TUBA1C: variants seen among roughly 807,000 people sequenced by gnomAD.
TUBA1C encodes tubulin alpha 1c, also known as tubulin alpha-1C chain.
In TUBA1C, 16 loss-of-function variants were observed where a neutral mutation model predicts 34.9. The ratio of observed to expected loss-of-function variants is 0.46; its 90% CI spans 0.31 to 0.70. The LOEUF is 0.70. TUBA1C is among the 30% of genes least tolerant of loss of function. The probability of loss-of-function intolerance (pLI) is 0.05; values close to 1 mark genes in which losing one functional copy is unlikely to be tolerated. For synonymous variants in TUBA1C, 177 were observed against 215.9 expected, an observed-to-expected ratio of 0.82 and a Z score of 1.58; for missense variants, 329 against 587.3, an observed-to-expected ratio of 0.56 and a Z score of 4.55.
intron 1 of TUBA1C, among the ~76,000 whole-genome samples, chr12:49,241,991 C>CT (rs201854507): frequency 0.039 from 5,098 of 131,786 alleles, 142 homozygotes; most frequent in African/African-American, 0.085. Context: ...TTCTTTCTTT[C>CT]TTTTTTTTTT....
intron 1 of TUBA1C, among the ~76,000 whole-genome samples, chr12:49,257,593 C>A (rs1031172704): frequency 6.6e-6 from 1 of 151,602 alleles, no homozygotes; most frequent in Non-Finnish European, 1.5e-5. Flanking sequence ...ACAGTCTGGA[C>A]AACAGCAAGA....
chr12:49,269,422 C>T, intron 1 of TUBA1C, 43 bp from the exon 2 acceptor site: 1 of 1,612,622 alleles, frequency 6.2e-7, no homozygotes, highest in Non-Finnish European at 8.5e-7. Context: ...AATGTCCCAT[C>T]TGATGTATTA....
intron 1 of TUBA1C, among the ~76,000 whole-genome samples, chr12:49,243,551 C>T (rs1340464642): frequency 1.3e-5 from 2 of 152,152 alleles, no homozygotes; most frequent in East Asian, 1.9e-4. Flanking sequence ...TTGGGAACAT[C>T]GCACATAGCA....
intron 1 of TUBA1C, among the ~76,000 whole-genome samples, chr12:49,255,564 CTTTT>C (rs2137006427): frequency 6.6e-6 from 1 of 151,906 alleles, no homozygotes; most frequent in South Asian, 2.1e-4. Flanking sequence ...TTCGTCTTTT[CTTTT>C]TGTTTTTCGA....
upstream of TUBA1C, chr12:49,264,907 G>T: frequency 1.8e-5 from 4 of 227,816 alleles, no homozygotes; most frequent in Non-Finnish European, 3.3e-5. Context: ...AGTTTGGTTT[G>T]AACTTTTGAA....
intron 1 of TUBA1C, among the ~76,000 whole-genome samples, chr12:49,236,810 C>T (rs914646415): frequency 6.6e-6 from 1 of 152,142 alleles, no homozygotes; most frequent in African/African-American, 2.4e-5. Flanking sequence ...ATTATAACAC[C>T]ATGATAAGTA....
intron 1 of TUBA1C, among the ~76,000 whole-genome samples, chr12:49,246,386 T>C (rs1226052520): frequency 6.6e-6 from 1 of 151,812 alleles, no homozygotes; most frequent in Non-Finnish European, 1.5e-5. Flanking sequence ...GAATTGAAAA[T>C]GGCCTGAACT....
chr12:49,271,221 C>T (rs1942988281), intron 3 of TUBA1C, among the ~76,000 whole-genome samples: 2 of 152,168 alleles, frequency 1.3e-5, no homozygotes, highest in African/African-American at 4.8e-5. Flanking sequence ...TTGATGGACC[C>T]ACAGGCTATA....
intron 1 of TUBA1C, among the ~76,000 whole-genome samples, chr12:49,242,781 C>G (rs1942630744): frequency 6.6e-6 from 1 of 152,092 alleles, no homozygotes. Context: ...AGCTACCGCG[C>G]CTGGCTCATC....
rs559395061 is a variant in TUBA1C, at chr12:49,272,393, C to T, written c.516C>T (p.Tyr172=). The T allele has an allele frequency of 6.2e-7, 1 of 1,614,068 alleles. No homozygotes were observed. Among genetic ancestry groups the T allele is most frequent in the East Asian group, 2.2e-5 (1 of 44,876 alleles). ...GKKSKLEFSI[Y]PAPQVSTAVV... ...AGTCCAAGCTGGAGTTCTCCATTTA[C>T]CCGGCGCCCCAGGTTTCCACAGCTG... is the stretch of plus-strand genomic sequence containing the variant. The change falls in exon 4 of 4, where the codon TAC becomes TAT. Residue 172 remains tyrosine, a synonymous_variant. Coordinates refer to ENST00000301072, the MANE Select transcript of TUBA1C (RefSeq NM_032704.5).
chr12:49,269,997 AAAGTGG>A (rs1942970021), intron 3 of TUBA1C, 21 bp downstream of exon 3: 1 of 1,614,080 alleles, frequency 6.2e-7, no homozygotes, highest in Non-Finnish European at 8.5e-7. Context: ...TACTTTAAAT[AAAGTGG>A]GATGAGAGTT....
chr12:49,270,797 G>A (rs1381445972), intron 3 of TUBA1C, among the ~76,000 whole-genome samples: 1 of 152,078 alleles, frequency 6.6e-6, no homozygotes, highest in East Asian at 1.9e-4. Flanking sequence ...TGGCTAACAT[G>A]GTGAAACCCT....
intron 1 of TUBA1C, among the ~76,000 whole-genome samples, chr12:49,268,706 G>A (rs1158059996): frequency 1.3e-5 from 2 of 152,162 alleles, no homozygotes; most frequent in Admixed American, 6.5e-5. Flanking sequence ...TTAAAATACA[G>A]CTAACTGCTG....
rs766615501 is a variant in TUBA1C, at chr12:49,269,583, C to T, written c.122C>T (p.Thr41Ile). 3 of 1,614,062 alleles carry T rather than the reference C, an allele frequency of 1.9e-6. No individual in the cohort carries two copies. Among genetic ancestry groups the T allele is most frequent in the African/African-American group, 1.3e-5 (1 of 74,914 alleles). Residue 41 changes from threonine (T) to isoleucine (I), a missense_variant, in exon 2 of 4, where the codon ACC (threonine) becomes ATC (isoleucine). Thr to Ile is a moderately conservative substitution (Grantham distance 89). Around this residue, in one of 4 missense-constraint regions of TUBA1C, gnomAD observed 152 missense variants for 240.3 expected, o/e 0.63. Coordinates refer to ENST00000301072, the MANE Select transcript of TUBA1C (RefSeq NM_032704.5). ...GATGGCCAGATGCCAAGTGACAAGA[C>T]CATTGGGGGAGGAGATGATTCCTTC... ...QPDGQMPSDK[T>I]IGGGDDSFNT...
At chr12:49,247,076 G>A (rs1942677324) in intron 1 of TUBA1C, among the ~76,000 whole-genome samples, 1 of 150,676 alleles carries the variant, frequency 6.6e-6, no homozygotes, top group African/African-American at 2.5e-5. Context: ...GGAGATGGAG[G>A]TTACAGTGAA....
At chr12:49,254,946 A>T (rs890754132) in intron 1 of TUBA1C, among the ~76,000 whole-genome samples, 18 of 148,702 alleles carry the variant, frequency 1.2e-4, no homozygotes, top group Non-Finnish European at 2.1e-4. Flanking sequence ...AAACACATAT[A>T]TTTTTTTTTT....
At chr12:49,269,275 C>G (rs1393478092) in intron 1 of TUBA1C, among the ~76,000 whole-genome samples, 190 bp from the exon 2 acceptor site, 1 of 152,096 alleles carries the variant, frequency 6.6e-6, no homozygotes, top group African/African-American at 2.4e-5. Flanking sequence ...GTTGGCCAAG[C>G]AGATCTCAAA....
intron 1 of TUBA1C, among the ~76,000 whole-genome samples, chr12:49,238,616 A>G (rs1282017479): frequency 6.6e-6 from 1 of 152,096 alleles, no homozygotes. Flanking sequence ...GGAAGCACTT[A>G]TTTTTGTTTA....
In TUBA1C at chr12:49,228,043, G is replaced by A. The variant is rs115133435; in HGVS notation, c.90G>A (p.Leu30=). 1.0e-4 allele frequency: 161 copies of A among 1,535,684 alleles called. No homozygotes were observed. In the African/African-American group the frequency reaches 2.0e-3, roughly 19 times the overall value. ...TAGATCCTTCAAATGGATCCTTTCT[G>A]AATGCAAAACTGTACATCTCTAACT... The change falls in exon 1 of 4, where the codon CTG becomes CTA. Residue 30 remains leucine (L), a synonymous_variant. Transcript: ENST00000541364.
Sources: allele counts gnomAD v4.1 joint callset (sites outside exome capture counted in the v4.1 genomes callset), GRCh38; gene constraint gnomAD v4.1.1; regional missense constraint gnomAD v4.1.1; transcripts MANE v1.5; gene names NCBI Gene and HGNC (gene_info 2026-07-23, HGNC 2026-07-21).